The following ZFHX3 variants were observed in gnomAD, a reference collection of about 807,000 sequenced individuals.
ZFHX3 encodes the protein zinc finger homeobox protein 3.
Under a neutral mutation model 279.1 loss-of-function variants are expected in ZFHX3, and 42 were observed. The ratio of observed to expected loss-of-function variants is 0.15; its 90% CI spans 0.12 to 0.19. The LOEUF (loss-of-function observed/expected upper bound fraction) is 0.19. Ranked by LOEUF, ZFHX3 falls within the 10% of genes least tolerant of loss-of-function variation. The probability of loss-of-function intolerance (pLI) is 1.00; values close to 1 mark genes in which losing one functional copy is unlikely to be tolerated. For missense variants in ZFHX3, 4,981 were observed against 4,754.0 expected, an observed-to-expected ratio of 1.05 and a Z score of -1.40; for synonymous variants, 2,293 against 1,957.8, an observed-to-expected ratio of 1.17 and a Z score of -4.52.
At chr16:72,894,426 C>T (rs942105291) in intron 3 of ZFHX3, among the ~76,000 whole-genome samples, 4 of 152,150 alleles carry the variant, frequency 2.6e-5, no homozygotes, top group South Asian at 2.1e-4. Flanking sequence ...GCTCAACCCG[C>T]GACCCTGTTG....
intron 5 of ZFHX3, among the ~76,000 whole-genome samples, chr16:73,211,158 T>G (rs954605826): frequency 3.3e-5 from 5 of 152,202 alleles, no homozygotes; most frequent in African/African-American, 1.2e-4. Context: ...CACAAATGGT[T>G]GGTTGATGAG....
chr16:72,813,686 G>A (rs1349683483), intron 5 of ZFHX3, among the ~76,000 whole-genome samples: 2 of 152,102 alleles, frequency 1.3e-5, no homozygotes, highest in East Asian at 1.9e-4. Flanking sequence ...GTCTCGAATC[G>A]ACTTCAAACC....
intron 1 of ZFHX3, among the ~76,000 whole-genome samples, chr16:73,778,279 C>G (rs962502376): frequency 4.9e-5 from 6 of 122,886 alleles, no homozygotes; most frequent in Non-Finnish European, 1.0e-4. Flanking sequence ...GACTTCAACT[C>G]AAAATGAAAT....
intron 2 of ZFHX3, among the ~76,000 whole-genome samples, chr16:73,545,230 C>A (rs1247695507): frequency 1.3e-5 from 2 of 152,166 alleles, no homozygotes; most frequent in African/African-American, 4.8e-5. Context: ...ATAAACCTAT[C>A]CTGTTGGCAG....
At chr16:73,533,457 T>C (rs1444077059) in intron 2 of ZFHX3, among the ~76,000 whole-genome samples, 4 of 150,892 alleles carry the variant, frequency 2.7e-5, no homozygotes, top group Non-Finnish European at 5.9e-5. Context: ...CTCTCTTGCA[T>C]CATCACTAAT....
At position 73,146,041 on chromosome 16, in the gene ZFHX3, C is replaced by T. The variant is rs532950066; in HGVS notation, c.-1103-2210G>A. Among the ~76,000 whole-genome samples, 4 of 152,122 alleles carry T rather than the reference C, an allele frequency of 2.6e-5. No individual in the cohort carries two copies. The South Asian group carries it at 6.2e-4, about 24-fold the overall frequency. ...AGTGCCATTAAATATTTGATGAAAA[C>T]GAGGTTACAAAACTGGAAGAATTCC... On this transcript the variant is annotated intron_variant, in intron 5 of 17. Coordinates refer to the ZFHX3 transcript ENST00000641206.
rs2035251229 is a variant in ZFHX3 at position 72,784,237 on chromosome 16, G to C, written c.*2927C>G. 1 of 150,974 alleles carries C rather than the reference G, an allele frequency of 6.6e-6. No homozygotes were observed. Among genetic ancestry groups the C allele is most frequent in the Non-Finnish European group, 1.5e-5 (1 of 67,926 alleles). The allele number at this position is 150,974 out of a possible 1,614,324, so 9.4% of individuals were successfully genotyped here. On this transcript the variant is annotated 3_prime_UTR_variant, in exon 10 of 10. Coordinates refer to ENST00000268489, the MANE Select transcript of ZFHX3 (RefSeq NM_006885.4). ...CACTCTGCCTCACAGAGGGAGGATG[G>C]CATAGTAGCTCCATGAAAAAAAAAA...
At chr16:73,550,684 C>T (rs750053942) in intron 2 of ZFHX3, among the ~76,000 whole-genome samples, 6 of 152,082 alleles carry the variant, frequency 3.9e-5, no homozygotes, top group East Asian at 1.9e-4. Flanking sequence ...TTCTAAGCAC[C>T]GCTTATATAG....
rs140219846 is a variant in ZFHX3, at chr16:73,120,649, C to CTTTTTTTT, written c.-897+10318_-897+10319insAAAAAAAA. Among the ~76,000 whole-genome samples the CTTTTTTTT allele has an allele frequency of 3.8e-5, 4 of 106,202 alleles. 1 individual carries two copies. The highest frequency in any genetic ancestry group is 5.9e-5 in the Non-Finnish European group (3 of 50,578). 69.7% of individuals were successfully genotyped at this position (106,202 alleles called of 152,430 possible). A position where few individuals can be genotyped will look rare whatever the true frequency, so the allele number is the denominator to read the frequency against. On this transcript the variant is annotated intron_variant, in intron 7 of 17. Transcript: ENST00000641206. ...TTGTTTTTCTGCCCTATCCTCTCTA[C>CTTTTTTTT]CTTTTTTTTTTTTTTTTTTTTTTGA...
At chr16:73,181,242 A>G (rs1330066850) in intron 5 of ZFHX3, among the ~76,000 whole-genome samples, 1 of 152,152 alleles carries the variant, frequency 6.6e-6, no homozygotes. Context: ...CTGGGATTAC[A>G]GGCACACGCC....
chr16:73,252,240 T>C (rs2013532273), intron 5 of ZFHX3, among the ~76,000 whole-genome samples: 1 of 152,064 alleles, frequency 6.6e-6, no homozygotes, highest in South Asian at 2.1e-4. Context: ...AATAAAACTG[T>C]GATCCATGAG....
intron 3 of ZFHX3, among the ~76,000 whole-genome samples, chr16:73,361,100 T>C (rs1025189365): frequency 2.0e-5 from 3 of 152,210 alleles, no homozygotes; most frequent in Non-Finnish European, 4.4e-5. Context: ...AAATGCCACA[T>C]TGCATGCCTA....
At chr16:73,409,019 C>T (rs779728878) in intron 3 of ZFHX3, among the ~76,000 whole-genome samples, 60 of 152,190 alleles carry the variant, frequency 3.9e-4, no homozygotes, top group Admixed American at 1.0e-3. Context: ...TTAAACACTT[C>T]GTTCTCTGCA....
intron 3 of ZFHX3, among the ~76,000 whole-genome samples, chr16:72,929,263 A>C (rs1245325767): frequency 6.7e-6 from 1 of 148,744 alleles, no homozygotes; most frequent in African/African-American, 2.5e-5. Flanking sequence ...AAAAAGAGTG[A>C]GGTAAAAAAT....
chr16:73,177,918 C>T (rs139644361), intron 5 of ZFHX3, among the ~76,000 whole-genome samples: 11 of 151,682 alleles, frequency 7.3e-5, no homozygotes, highest in Non-Finnish European at 7.4e-5. Context: ...AGAGCTGCTG[C>T]GAACAGGGGC....
At chr16:73,525,381 T>C (rs1045709564) in intron 2 of ZFHX3, among the ~76,000 whole-genome samples, 2 of 152,212 alleles carry the variant, frequency 1.3e-5, no homozygotes, top group Admixed American at 6.5e-5. Context: ...GGAGTTTAGC[T>C]AATGAGAAGA....
At chr16:73,088,787 T>G (rs1966039320) in intron 8 of ZFHX3, among the ~76,000 whole-genome samples, 1 of 152,148 alleles carries the variant, frequency 6.6e-6, no homozygotes, top group South Asian at 2.1e-4. Context: ...TGACAGGAGC[T>G]CATCTTATCA....
chr16:73,355,501 TGAATAGG>T (rs2016324905), intron 3 of ZFHX3, among the ~76,000 whole-genome samples: 1 of 152,188 alleles, frequency 6.6e-6, no homozygotes, highest in Admixed American at 6.5e-5. Flanking sequence ...TACCTCTTCC[TGAATAGG>T]GACACTAAAG....
In ZFHX3 at chr16:72,794,653, C is replaced by T. The variant is rs2143404612; in HGVS notation, c.8029G>A (p.Glu2677Lys). ...TRKMLDHIAH[E>K]VGLKKRVVQV... ...ACCACACGTTTCTTCAAGCCCACCTCGTGTGCAATGTGATCCAACATCTTT... is the reference window on the plus strand; with the variant it reads ...ACCACACGTTTCTTCAAGCCCACCTTGTGTGCAATGTGATCCAACATCTTT... Residue 2677 changes from glutamate to lysine, a missense_variant, in exon 9 of 10, where the codon GAG becomes AAG. Glu to Lys is a moderately conservative substitution (Grantham distance 56). Around this residue, in one of 7 missense-constraint regions of ZFHX3, gnomAD observed 744 missense variants for 701.3 expected, o/e 1.06. Coordinates refer to ENST00000268489, the MANE Select transcript of ZFHX3 (RefSeq NM_006885.4). This position sits in a 1 kb window ranked among gnomAD's most constrained non-coding sequence, Gnocchi z 4.2. The T allele has an allele frequency of 2.5e-6, 4 of 1,614,212 alleles. No individual in the cohort carries two copies. Among genetic ancestry groups the T allele is most frequent in the East Asian group, 2.2e-5 (1 of 44,878 alleles).
Sources: gnomAD v4.1 joint callset for allele counts (sites outside exome capture counted in the v4.1 genomes callset) on GRCh38, gnomAD v4.1.1 for gene constraint, gnomAD v4.1.1 regional missense constraint, Gnocchi (gnomAD v3.1) non-coding constraint, MANE v1.5 for transcripts, NCBI Gene and HGNC (gene_info 2026-07-23, HGNC 2026-07-21) for gene names.